The following KDM4B variants were observed in gnomAD, a reference collection of about 807,000 sequenced individuals.
KDM4B encodes the protein lysine-specific demethylase 4B.
In KDM4B, 32 loss-of-function variants were observed where a neutral mutation model predicts 125.2. The observed-to-expected ratio is 0.26, with a 90% CI of 0.19 to 0.34. The LOEUF is 0.34. Among genes scored for constraint, KDM4B ranks in the 10% least tolerant of loss-of-function variants. KDM4B has a pLI of 1.00. For synonymous variants in KDM4B, 721 were observed against 677.9 expected, an observed-to-expected ratio of 1.06 and a Z score of -0.99; for missense variants, 1,190 against 1,577.7, an observed-to-expected ratio of 0.75 and a Z score of 4.16.
Position 5,119,698 on chromosome 19 carries a change from C to A in KDM4B, c.1161C>A (p.Asp387Glu), listed in dbSNP as rs1156229143. 2.6e-6 allele frequency: 4 copies of A among 1,554,944 alleles called. No homozygotes were observed. The highest frequency in any genetic ancestry group is 3.5e-6 in the Non-Finnish European group (4 of 1,149,004). ...AGCCCAAGAAGCCGAAGCCCGAAGA[C>A]CCCAAGTTCCCTGGGGAGGGTACGG... ...RSQPKKPKPE[D>E]PKFPGEGTAG... Residue 387 changes from aspartate (D) to glutamate (E), a missense_variant, in exon 11 of 23, where the codon GAC becomes GAA. This residue lies in a region of KDM4B where 428 missense variants were observed against 405.1 expected (regional missense o/e 1.06). Transcript: ENST00000159111.
At chr19:5,107,356 C>A (rs1016284825) in intron 9 of KDM4B, among the ~76,000 whole-genome samples, 1 of 152,216 alleles carries the variant, frequency 6.6e-6, no homozygotes, top group African/African-American at 2.4e-5. Flanking sequence ...TTATCTGTCG[C>A]GAGTGCTGAC....
chr19:5,064,206 G>A (rs1411263241), intron 6 of KDM4B, among the ~76,000 whole-genome samples: 1 of 152,208 alleles, frequency 6.6e-6, no homozygotes, highest in African/African-American at 2.4e-5. Context: ...GGCTTGCGTG[G>A]GTGGCTCACT....
intron 9 of KDM4B, among the ~76,000 whole-genome samples, chr19:5,090,291 AC>A (rs1292263768): frequency 6.7e-6 from 1 of 150,270 alleles, no homozygotes. Flanking sequence ...AGGGTGCAGT[AC>A]CCGGTTCGTT....
intron 5 of KDM4B, among the ~76,000 whole-genome samples, chr19:5,046,098 C>T (rs1157111194): frequency 6.6e-6 from 1 of 152,198 alleles, no homozygotes; most frequent in African/African-American, 2.4e-5. Flanking sequence ...GCATGAGAGC[C>T]TCTGGGTTGG....
intron 9 of KDM4B, among the ~76,000 whole-genome samples, chr19:5,094,926 G>A (rs1438045575): frequency 6.6e-6 from 1 of 152,206 alleles, no homozygotes; most frequent in Non-Finnish European, 1.5e-5. Context: ...CGTCACCACA[G>A]ACAGTCCTGT....
chr19:5,073,629 G>A (rs1284820008), intron 7 of KDM4B, among the ~76,000 whole-genome samples: 1 of 152,238 alleles, frequency 6.6e-6, no homozygotes, highest in Admixed American at 6.5e-5. Flanking sequence ...AGGATCTGGT[G>A]AGGCCACCCC....
chr19:5,040,141 G>A (rs560759189), intron 4 of KDM4B, 130 bp downstream of exon 4: 20 of 1,046,632 alleles, frequency 1.9e-5, no homozygotes, highest in Admixed American at 1.4e-4. Context: ...TGTGTGCCCC[G>A]TGTGGGCTGT....
At chr19:4,973,547 A>C (rs185364717) in intron 1 of KDM4B, among the ~76,000 whole-genome samples, 1 of 152,232 alleles carries the variant, frequency 6.6e-6, no homozygotes, top group Non-Finnish European at 1.5e-5. Flanking sequence ...ATATTAAAAA[A>C]AAGAAAATTT....
intron 3 of KDM4B, among the ~76,000 whole-genome samples, chr19:5,036,966 C>A (rs1169654614): frequency 2.6e-5 from 4 of 152,224 alleles, no homozygotes; most frequent in African/African-American, 9.6e-5. Flanking sequence ...GCGGCGCAGA[C>A]ACCGTGGGGG....
intron 22 of KDM4B, among the ~76,000 whole-genome samples, chr19:5,150,895 C>A (rs1470870709): frequency 1.3e-5 from 2 of 152,340 alleles, no homozygotes; most frequent in East Asian, 3.9e-4. Context: ...TAAACGGGAG[C>A]CTGAGTCCTG....
chr19:5,072,668 G>T (rs537597243), intron 7 of KDM4B, among the ~76,000 whole-genome samples: 45 of 152,340 alleles, frequency 3.0e-4, no homozygotes, highest in African/African-American at 1.1e-3. Context: ...TCCCCATGTT[G>T]TATTAGCATC....
At chr19:5,020,409 G>A (rs1191960379) in intron 2 of KDM4B, among the ~76,000 whole-genome samples, 1 of 152,072 alleles carries the variant, frequency 6.6e-6, no homozygotes, top group Non-Finnish European at 1.5e-5. Context: ...CATGGGTGTG[G>A]AATCGCGGGT....
intron 1 of KDM4B, among the ~76,000 whole-genome samples, chr19:4,978,510 A>AG (rs1347916580): frequency 1.4e-5 from 2 of 142,076 alleles, no homozygotes; most frequent in Non-Finnish European, 3.1e-5. Context: ...CTGTCTCAAA[A>AG]AAAAAAAAAA....
chr19:4,998,019 C>T (rs980957556), intron 1 of KDM4B, among the ~76,000 whole-genome samples: 54 of 152,366 alleles, frequency 3.5e-4, no homozygotes, highest in African/African-American at 1.3e-3. Flanking sequence ...CATCAGATAC[C>T]TATAAATAAG....
In KDM4B at chr19:5,110,746, C is replaced by A; in HGVS notation, c.1043C>A (p.Thr348Lys). The A allele has an allele frequency of 6.2e-7, 1 of 1,611,414 alleles. No homozygotes were observed. The highest frequency in any genetic ancestry group is 8.5e-7 in the Non-Finnish European group (1 of 1,179,232). The change falls in exon 10 of 23, where the codon ACG (threonine) becomes AAG (lysine). Residue 348 changes from threonine to lysine, a missense_variant. Thr to Lys is a moderately conservative substitution (Grantham distance 78). This residue lies in a region of KDM4B where 428 missense variants were observed against 405.1 expected (regional missense o/e 1.06). Transcript: ENST00000159111. ...ACGGTGCTGGACCACACGCGGCCCA[C>A]GGCGCTCACCAGCCCCGAGCTGAGC... ...DLTVLDHTRP[T>K]ALTSPELSSW...
At chr19:5,146,351 G>A (rs2039845798) in intron 21 of KDM4B, among the ~76,000 whole-genome samples, 1 of 152,244 alleles carries the variant, frequency 6.6e-6, no homozygotes, top group South Asian at 2.1e-4. Flanking sequence ...ACCACTCTCG[G>A]ACCTTGCAGG....
intron 18 of KDM4B, chr19:5,140,762 T>C (rs1283690516): frequency 6.6e-6 from 1 of 150,476 alleles, no homozygotes; most frequent in Non-Finnish European, 1.5e-5. Context: ...GAGAGCAAAA[T>C]GCAGATGTTG....
At chr19:5,045,216 G>A (rs1170505015) in intron 5 of KDM4B, among the ~76,000 whole-genome samples, 4 of 152,198 alleles carry the variant, frequency 2.6e-5, no homozygotes, top group Non-Finnish European at 5.9e-5. Flanking sequence ...ATCTGGAGTT[G>A]TCGGTGTTGT....
chr19:4,993,576 A>G (rs1261144018), intron 1 of KDM4B, among the ~76,000 whole-genome samples: 1 of 151,082 alleles, frequency 6.6e-6, no homozygotes, highest in Non-Finnish European at 1.5e-5. Flanking sequence ...CCTTTTTATC[A>G]TTATAAAATG....
Sources: gnomAD v4.1 joint callset for allele counts (sites outside exome capture counted in the v4.1 genomes callset) on GRCh38, gnomAD v4.1.1 for gene constraint, gnomAD v4.1.1 regional missense constraint, MANE v1.5 for transcripts, NCBI Gene and HGNC (gene_info 2026-07-23, HGNC 2026-07-21) for gene names.